Variants in NXPE3 observed in about 807,000 individuals in gnomAD.
The protein encoded by NXPE3 is NXPE family member 3.
Under a neutral mutation model 46.1 loss-of-function variants are expected in NXPE3, and 26 were observed. The observed-to-expected ratio is 0.56, with a 90% CI of 0.41 to 0.78. The LOEUF is 0.78. Among genes scored for constraint, NXPE3 ranks in the 30% least tolerant of loss-of-function variants. NXPE3 has a pLI of 0.00. For synonymous variants in NXPE3, 272 were observed against 257.9 expected (o/e 1.05, Z -0.52); for missense variants, 620 against 686.0 (o/e 0.90, Z 1.07).
rs76555534 is a variant in NXPE3, at chr3:101,818,136, G to A, written c.1129+1135G>A. ...TCGAATTCTCATGCTCAAGCAGTCC[G>A]CCCGCCTCAACCTCCCAAAGTGCTG... On this transcript the variant is annotated intron_variant, in intron 7 of 7. Transcript: ENST00000273347. Among the ~76,000 whole-genome samples the A allele has an allele frequency of 1.5e-3, 235 of 151,668 alleles. 3 individuals are homozygous for A. In the East Asian group the frequency reaches 0.019, roughly 12 times the overall value.
chr3:101,788,149 ATGT>A (rs1308147850), intron 4 of NXPE3, among the ~76,000 whole-genome samples: 1 of 152,182 alleles, frequency 6.6e-6, no homozygotes, highest in East Asian at 1.9e-4. Context: ...ATTATTAATG[ATGT>A]TGAGCATCTT....
chr3:101,806,098 G>A (rs911950197), intron 5 of NXPE3, among the ~76,000 whole-genome samples: 1 of 152,052 alleles, frequency 6.6e-6, no homozygotes, highest in East Asian at 1.9e-4. Context: ...CATGAAGAAG[G>A]AGATGCTGTG....
chr3:101,816,180 A>G (rs1941961604), intron 6 of NXPE3, among the ~76,000 whole-genome samples: 1 of 152,194 alleles, frequency 6.6e-6, no homozygotes, highest in Non-Finnish European at 1.5e-5. Flanking sequence ...AAATGTAAGC[A>G]GAGGGAATGC....
intron 4 of NXPE3, among the ~76,000 whole-genome samples, chr3:101,798,149 T>C (rs1468468165): frequency 6.6e-6 from 1 of 151,002 alleles, no homozygotes; most frequent in African/African-American, 2.4e-5. Context: ...TCATAGTGGT[T>C]TTGATTTGCA....
At chr3:101,790,242 A>G (rs570968353) in intron 4 of NXPE3, among the ~76,000 whole-genome samples, 17 of 152,316 alleles carry the variant, frequency 1.1e-4, no homozygotes, top group Admixed American at 4.6e-4. Flanking sequence ...TTAGATCAAC[A>G]TGGTTCATGG....
chr3:101,790,851 C>T (rs1450239602), intron 4 of NXPE3, among the ~76,000 whole-genome samples: 1 of 152,210 alleles, frequency 6.6e-6, no homozygotes, highest in South Asian at 2.1e-4. Flanking sequence ...CTGCCTTGGC[C>T]TTCCAAAGTG....
chr3:101,810,754 A>G (rs1236019500), intron 6 of NXPE3, among the ~76,000 whole-genome samples: 1 of 152,232 alleles, frequency 6.6e-6, no homozygotes, highest in Non-Finnish European at 1.5e-5. Flanking sequence ...CATCAAGGAA[A>G]TGGGAAACTC....
rs1216677866 is a variant in NXPE3 at position 101,801,336 on chromosome 3, T to A, written c.195T>A (p.Tyr65Ter). 2.5e-6 allele frequency: 4 copies of A among 1,614,104 alleles called. No individual in the cohort carries two copies. Among genetic ancestry groups the A allele is most frequent in the Non-Finnish European group, 3.4e-6 (4 of 1,180,050 alleles). ...TTAGCCGAAATCCCTACTGTGGCTATGATCAGCAGACCCTGTCCAGCCAGG... is the reference window on the plus strand; with the variant it reads ...TTAGCCGAAATCCCTACTGTGGCTAAGATCAGCAGACCCTGTCCAGCCAGG... ...TGISRNPYCG[Y>*]DQQTLSSQER... is the part of the protein sequence containing the mutation. Residue 65 changes from tyrosine to a stop codon, truncating the protein, a stop_gained, in exon 5 of 8, where the codon TAT becomes TAA. Transcript: ENST00000273347. LOFTEE classifies it high-confidence loss of function.
At chr3:101,790,058 A>G (rs1307900235) in intron 4 of NXPE3, among the ~76,000 whole-genome samples, 2 of 152,154 alleles carry the variant, frequency 1.3e-5, no homozygotes, top group Non-Finnish European at 2.9e-5. Context: ...CCTTTCTGTT[A>G]TTGATTCCTC....
chr3:101,790,727 G>A (rs1940464170), intron 4 of NXPE3, among the ~76,000 whole-genome samples: 1 of 151,926 alleles, frequency 6.6e-6, no homozygotes, highest in Admixed American at 6.6e-5. Flanking sequence ...TGAGTAGCTG[G>A]GACAACAGGT....
At chr3:101,807,535 G>C (rs1347250900) in intron 6 of NXPE3, among the ~76,000 whole-genome samples, 1 of 151,868 alleles carries the variant, frequency 6.6e-6, no homozygotes, top group Non-Finnish European at 1.5e-5. Flanking sequence ...TGTTGCCCAG[G>C]ATGGTCTTGA....
At chr3:101,818,352 A>G (rs1310476538) in intron 7 of NXPE3, among the ~76,000 whole-genome samples, 4 of 152,116 alleles carry the variant, frequency 2.6e-5, no homozygotes, top group African/African-American at 9.7e-5. Context: ...AATACTTTGT[A>G]TGGCTTGATG....
At position 101,799,896 on chromosome 3, in the gene NXPE3, A is replaced by T. The variant is rs557919525; in HGVS notation, c.94-1339A>T. The stretch of plus-strand genomic sequence containing the variant: ...CCTTTATTCCTTTAATGTCCATGGG[A>T]TCTGTAGTGATGGCTTCTCTTTCAT... On this transcript the variant is annotated intron_variant, in intron 4 of 7. Transcript: ENST00000273347. 2.0e-5 allele frequency among the ~76,000 whole-genome samples: 3 copies of T among 152,060 alleles called. No homozygotes were observed. The East Asian group carries it at 5.8e-4, about 29-fold the overall frequency.
chr3:101,800,520 A>AGTTTATTGATGGTGCT (rs1262909809), intron 4 of NXPE3, among the ~76,000 whole-genome samples: 1 of 152,202 alleles, frequency 6.6e-6, no homozygotes, highest in African/African-American at 2.4e-5. Context: ...AACTATATCC[A>AGTTTATTGATGGTGCT]GTTTATTGAT....
chr3:101,809,064 T>G (rs1451162382), intron 6 of NXPE3, among the ~76,000 whole-genome samples: 1 of 151,564 alleles, frequency 6.6e-6, no homozygotes, highest in African/African-American at 2.4e-5. Context: ...CCAGGGATGG[T>G]CAGTGGGAGG....
chr3:101,796,656 A>G (rs1292687228), intron 4 of NXPE3, among the ~76,000 whole-genome samples: 1 of 152,232 alleles, frequency 6.6e-6, no homozygotes, highest in African/African-American at 2.4e-5. Flanking sequence ...TTTCAAAGTC[A>G]GTTTTGTTTT....
intron 6 of NXPE3, among the ~76,000 whole-genome samples, chr3:101,812,751 G>T (rs1941773452): frequency 7.0e-6 from 1 of 142,316 alleles, no homozygotes. Context: ...GGCGGAGGTT[G>T]CAGTGAGCCG....
intron 1 of NXPE3, chr3:101,779,638 G>T: frequency 6.5e-6 from 1 of 152,946 alleles, no homozygotes; most frequent in South Asian, 2.0e-4. Context: ...GGCCGGGAGC[G>T]AGCATCTCCA....
At position 101,822,336 on chromosome 3, in the gene NXPE3, A is replaced by G. The variant is rs1193744608; in HGVS notation, c.*382A>G. On this transcript the variant is annotated 3_prime_UTR_variant, in exon 8 of 8. Transcript: ENST00000273347. ...GTTGGTAGTAGAGTGTTTGTAGCTT[A>G]TCTGGTAAAGGAAATTGAGTGCATC... 5.5e-6 allele frequency: 1 copy of G among 181,818 alleles called. No individual in the cohort carries two copies. The highest frequency in any genetic ancestry group is 1.2e-5 in the Non-Finnish European group (1 of 84,406). 11.3% of individuals were successfully genotyped at this position (181,818 alleles called of 1,614,324 possible). A position where few individuals can be genotyped will look rare whatever the true frequency, so the allele number is the denominator to read the frequency against.
Sources: allele counts gnomAD v4.1 joint callset (sites outside exome capture counted in the v4.1 genomes callset), GRCh38; gene constraint gnomAD v4.1.1; transcripts MANE v1.5; gene names NCBI Gene and HGNC (gene_info 2026-07-23, HGNC 2026-07-21).